The following STXBP4 variants were observed in gnomAD, a reference collection of about 807,000 sequenced individuals.
STXBP4 encodes syntaxin-binding protein 4.
A neutral mutation model predicts 76.1 loss-of-function variants in STXBP4; 55 were observed. The observed-to-expected ratio is 0.72, with a 90% CI of 0.58 to 0.91. STXBP4 has a LOEUF of 0.91. STXBP4 is among the 40% of genes least tolerant of loss of function. The pLI is 0.00. For missense variants in STXBP4, 618 were observed against 636.9 expected, an observed-to-expected ratio of 0.97 and a Z score of 0.32; for synonymous variants, 201 against 220.2, an observed-to-expected ratio of 0.91 and a Z score of 0.77.
intron 11 of STXBP4, among the ~76,000 whole-genome samples, chr17:55,046,618 C>T (rs528861817): frequency 6.6e-6 from 1 of 151,930 alleles, no homozygotes; most frequent in African/African-American, 2.4e-5. Context: ...GTTTTGTTTA[C>T]ATTAGTCATA....
intron 12 of STXBP4, among the ~76,000 whole-genome samples, chr17:55,066,617 G>A (rs1349977937): frequency 1.3e-5 from 2 of 152,110 alleles, no homozygotes; most frequent in African/African-American, 4.8e-5. Context: ...TGACAAACAA[G>A]TATAATTGTC....
chr17:55,117,018 G>T (rs2079788481), intron 16 of STXBP4, among the ~76,000 whole-genome samples: 1 of 151,764 alleles, frequency 6.6e-6, no homozygotes, highest in Non-Finnish European at 1.5e-5. Flanking sequence ...AATCTTTCTA[G>T]AAGGAAATTT....
chr17:55,014,712 G>A (rs1171247063), intron 8 of STXBP4, among the ~76,000 whole-genome samples: 6 of 152,102 alleles, frequency 3.9e-5, no homozygotes, highest in Non-Finnish European at 8.8e-5. Flanking sequence ...TCATCCCCTG[G>A]GGCAATTGGC....
At chr17:54,972,570 G>A (rs2077416230) in intron 1 of STXBP4, among the ~76,000 whole-genome samples, 2 of 152,234 alleles carry the variant, frequency 1.3e-5, no homozygotes, top group Non-Finnish European at 2.9e-5. Context: ...TTTATGACAT[G>A]TTTCCATCAT....
chr17:55,096,839 A>G (rs1398005672), intron 16 of STXBP4, among the ~76,000 whole-genome samples: 3 of 152,196 alleles, frequency 2.0e-5, no homozygotes, highest in African/African-American at 4.8e-5. Flanking sequence ...ACCTCCAGAC[A>G]GAGTTAATAG....
intron 17 of STXBP4, among the ~76,000 whole-genome samples, chr17:55,148,103 A>G (rs567316317): frequency 6.6e-6 from 1 of 152,330 alleles, no homozygotes; most frequent in Admixed American, 6.5e-5. Flanking sequence ...TTATGACTCT[A>G]CAGCATAACT....
At chr17:55,083,658 G>T (rs1285756145) in intron 16 of STXBP4, among the ~76,000 whole-genome samples, 1 of 152,062 alleles carries the variant, frequency 6.6e-6, no homozygotes, top group East Asian at 1.9e-4. Context: ...GACTCTACTG[G>T]GCTGGACATC....
chr17:54,984,302 A>G (rs1361206909), intron 1 of STXBP4, among the ~76,000 whole-genome samples: 1 of 139,372 alleles, frequency 7.2e-6, no homozygotes, highest in Non-Finnish European at 1.6e-5. Flanking sequence ...TTTGTTTCTG[A>G]GTCTTCAATT....
chr17:55,143,382 C>T (rs1379611191), intron 17 of STXBP4, among the ~76,000 whole-genome samples: 1 of 152,176 alleles, frequency 6.6e-6, no homozygotes, highest in Non-Finnish European at 1.5e-5. Context: ...TGGGGAACTC[C>T]TTTACCTAAA....
At chr17:55,212,730 C>T in the STXBP4 span, among the ~76,000 whole-genome samples, 5 of 152,322 alleles carry the variant, frequency 3.3e-5, no homozygotes, top group African/African-American at 1.2e-4. Context: ...GTGAGAGATA[C>T]TTCACCTTCT....
In STXBP4 at chr17:55,100,379, C is replaced by T. The variant is rs1376141804; in HGVS notation, c.1489+19196C>T. Among the ~76,000 whole-genome samples, 6 of 152,076 alleles carry T rather than the reference C, an allele frequency of 3.9e-5. No homozygotes were observed. The South Asian group carries it at 6.2e-4, about 16-fold the overall frequency. ...AGAAATCCTAAAAGGTTAACACTACCGTGTACAATTACTTATAGCCTCAAT... is the reference window on the plus strand; with the variant it reads ...AGAAATCCTAAAAGGTTAACACTACTGTGTACAATTACTTATAGCCTCAAT... On this transcript the variant is annotated intron_variant, in intron 16 of 17. Transcript: ENST00000376352.
intron 12 of STXBP4, among the ~76,000 whole-genome samples, chr17:55,070,534 A>G (rs2079107233): frequency 6.6e-6 from 1 of 152,178 alleles, no homozygotes; most frequent in East Asian, 1.9e-4. Context: ...AGTCAAGGGC[A>G]TAGAAGGCAA....
At chr17:55,066,273 G>C (rs746343507) in intron 12 of STXBP4, among the ~76,000 whole-genome samples, 18 of 152,140 alleles carry the variant, frequency 1.2e-4, no homozygotes, top group Middle Eastern at 3.4e-3. Context: ...ACCCAGGCTA[G>C]AGTGCAGTGG....
chr17:55,139,028 G>C (rs767628668), intron 16 of STXBP4, among the ~76,000 whole-genome samples: 1 of 152,100 alleles, frequency 6.6e-6, no homozygotes, highest in African/African-American at 2.4e-5. Context: ...TCTCAGAACA[G>C]AGAACATCTT....
rs146001529 is a variant in STXBP4 at position 54,997,328 on chromosome 17, ATTC to A, written c.181-2006_181-2004del. Among the ~76,000 whole-genome samples the A allele has an allele frequency of 3.2e-3, 489 of 151,954 alleles. 12 individuals carry two copies. The highest frequency in any genetic ancestry group is 0.025 in the East Asian group (131 of 5,170). ...ACACCAGAAGTCATAGTCAGAAGGC[ATTC>A]TTCTTCTTCTCTTTTCTGACTCCCT... On this transcript the variant is annotated intron_variant, in intron 4 of 17. Coordinates refer to ENST00000376352, the MANE Select transcript of STXBP4 (RefSeq NM_178509.6).
Position 55,043,398 on chromosome 17 carries a change from C to T in STXBP4, c.945+73C>T, listed in dbSNP as rs867823658. The T allele has an allele frequency of 1.7e-5, 15 of 889,466 alleles. No homozygotes were observed. In the South Asian group the frequency reaches 2.2e-4, roughly 13 times the overall value. 55.1% of individuals were successfully genotyped at this position (889,466 alleles called of 1,614,324 possible). On this transcript the variant is annotated intron_variant, in intron 11 of 17. Coordinates refer to ENST00000376352, the MANE Select transcript of STXBP4 (RefSeq NM_178509.6). ...AAAGAAAAAAATCCTATATTGGATT[C>T]TGAAGCATTGGGGCTTAATTTTATT... is the stretch of plus-strand genomic sequence containing the variant.
intron 13 of STXBP4, among the ~76,000 whole-genome samples, chr17:55,075,887 G>A (rs1280676454): frequency 6.6e-6 from 1 of 151,916 alleles, no homozygotes; most frequent in Admixed American, 6.6e-5. Context: ...GCTATAATGG[G>A]GTTATTTCTA....
chr17:55,060,400 TA>T (rs2078981196), intron 12 of STXBP4, among the ~76,000 whole-genome samples: 1 of 152,158 alleles, frequency 6.6e-6, no homozygotes, highest in African/African-American at 2.4e-5. Flanking sequence ...ACTCTTCTCT[TA>T]AAAATTTTTA....
intron 16 of STXBP4, among the ~76,000 whole-genome samples, chr17:55,088,588 G>A (rs2079369636): frequency 6.6e-6 from 1 of 152,102 alleles, no homozygotes; most frequent in Non-Finnish European, 1.5e-5. Context: ...GTAGAGACAG[G>A]TTTTCACCAT....
Sources: gnomAD v4.1 joint callset for allele counts (sites outside exome capture counted in the v4.1 genomes callset) on GRCh38, gnomAD v4.1.1 for gene constraint, MANE v1.5 for transcripts, NCBI Gene and HGNC (gene_info 2026-07-23, HGNC 2026-07-21) for gene names.